ILDR2: variants seen among roughly 807,000 people sequenced by gnomAD.
ILDR2 encodes the protein immunoglobulin-like domain-containing receptor 2.
A neutral mutation model predicts 66.8 loss-of-function variants in ILDR2; 25 were observed. That is an observed-to-expected ratio of 0.37 (90% CI 0.27 to 0.52). ILDR2 has a LOEUF of 0.52. ILDR2 is among the 20% of genes least tolerant of loss of function. The probability of loss-of-function intolerance (pLI) is 0.88; values close to 1 mark genes in which losing one functional copy is unlikely to be tolerated. For missense variants in ILDR2, 827 were observed against 876.8 expected (o/e 0.94, Z 0.72); for synonymous variants, 367 against 357.2 (o/e 1.03, Z -0.31).
Position 166,930,298 on chromosome 1 carries a change from A to T in ILDR2, c.881-3118T>A, listed in dbSNP as rs1005856026. ...TAACCATTTATAGCCTCAAATGAAG[A>T]TGATAGTTTTGCCTTCAGTGCTGGC... On this transcript the variant is annotated intron_variant, in intron 6 of 9. Transcript: ENST00000271417. Among the ~76,000 whole-genome samples the T allele has an allele frequency of 5.3e-5, 8 of 152,324 alleles. No individual in the cohort carries two copies. In the East Asian group the frequency reaches 1.3e-3, roughly 26 times the overall value.
At chr1:166,975,119 A>T in intron 1 of ILDR2, 104 bp downstream of exon 1, 1 of 978,094 alleles carries the variant, frequency 1.0e-6, no homozygotes. Flanking sequence ...GCAGCTTTAA[A>T]CATGGTCAGT....
Position 166,909,793 on chromosome 1 carries a change from A to G in ILDR2, c.*9562T>C, listed in dbSNP as rs1339408488. ...TAAATATATATATTTATATATATAT[A>G]TATATATATATATCCTTCTAGCTTT... On this transcript the variant is annotated 3_prime_UTR_variant, in exon 10 of 10. Transcript: ENST00000271417. The G allele has an allele frequency of 2.0e-4, 25 of 125,610 alleles. No homozygotes were observed. The highest frequency in any genetic ancestry group is 4.1e-3 in the Middle Eastern group (1 of 246). 7.8% of individuals were successfully genotyped at this position (125,610 alleles called of 1,614,324 possible).
At chr1:166,903,603 A>G (rs1290955321), downstream of ILDR2, among the ~76,000 whole-genome samples, 1 of 152,214 alleles carries the variant, frequency 6.6e-6, no homozygotes, top group Non-Finnish European at 1.5e-5. Context: ...GACAAAAAAG[A>G]GAAGAGATTT....
chr1:166,946,741 T>C lies in ILDR2; in HGVS notation c.500-7171A>G, dbSNP rs6667674. ...CCCAATTCCAGTTTTTTTCCCAATA[T>C]CTCACCACCCCAAAACTTTGCTTAT... On this transcript the variant is annotated intron_variant, in intron 3 of 9. Coordinates refer to ENST00000271417, the MANE Select transcript of ILDR2 (RefSeq NM_199351.3). Among the ~76,000 whole-genome samples the C allele has an allele frequency of 3.3e-3, 497 of 152,296 alleles. 3 individuals are homozygous for C. Among genetic ancestry groups the C allele is most frequent in the African/African-American group, 0.011 (457 of 41,548 alleles).
intron 3 of ILDR2, among the ~76,000 whole-genome samples, chr1:166,941,313 T>C (rs1661300577): frequency 6.6e-6 from 1 of 152,176 alleles, no homozygotes; most frequent in Non-Finnish European, 1.5e-5. Context: ...AGGAGTCAAG[T>C]GGGACATTGG....
At chr1:166,933,553 A>T in intron 6 of ILDR2, 1 of 983,572 alleles carries the variant, frequency 1.0e-6, no homozygotes, top group Non-Finnish European at 1.2e-6. Context: ...TGGCAGAATG[A>T]GACCAAAATG....
Position 166,911,534 on chromosome 1 carries a change from G to A in ILDR2, c.*7821C>T, listed in dbSNP as rs1202039000. On this transcript the variant is annotated 3_prime_UTR_variant, in exon 10 of 10. Transcript: ENST00000271417. Reference sequence around the variant, plus strand: ...CCCATAAAGAAACAAAAAACTGTGAGTGAAAGTTAGCAGAAGTAACAAACT... The same window carrying A: ...CCCATAAAGAAACAAAAAACTGTGAATGAAAGTTAGCAGAAGTAACAAACT... 3 of 152,010 alleles carry A rather than the reference G, an allele frequency of 2.0e-5. No individual in the cohort carries two copies. Among genetic ancestry groups the A allele is most frequent in the Non-Finnish European group, 4.4e-5 (3 of 67,998 alleles). 9.4% of individuals were successfully genotyped at this position (152,010 alleles called of 1,614,324 possible).
chr1:166,975,379 G>T lies in ILDR2; in HGVS notation c.-111C>A. ...GGCGGCGGCGGAGCGGCGGGCACCGGGCGTCCCTGGGCGCAGCGCCCGCCG... is the reference window on the plus strand; with the variant it reads ...GGCGGCGGCGGAGCGGCGGGCACCGTGCGTCCCTGGGCGCAGCGCCCGCCG... On this transcript the variant is annotated 5_prime_UTR_variant, in exon 1 of 10. Coordinates refer to ENST00000271417, the MANE Select transcript of ILDR2 (RefSeq NM_199351.3). 1.7e-6 allele frequency: 1 copy of T among 590,086 alleles called. No individual in the cohort carries two copies. The allele number at this position is 590,086 out of a possible 1,614,324, so 36.6% of individuals were successfully genotyped here.
In ILDR2 at chr1:166,957,977, C is replaced by T; in HGVS notation, c.171G>A (p.Lys57=). Residue 57 remains lysine, a synonymous_variant, in exon 2 of 10, where the codon AAG becomes AAA. Transcript: ENST00000271417. ...SSHQPAVVQW[K]FKSYCQDRMG... ...TGCGATCCTGGCAGTAGGACTTGAA[C>T]TTCCACTGCACAACTGCAGGCTGAT... 1 of 1,614,174 alleles carries T rather than the reference C, an allele frequency of 6.2e-7. No homozygotes were observed. Among genetic ancestry groups the T allele is most frequent in the African/African-American group, 1.3e-5 (1 of 75,046 alleles).
chr1:166,971,469 TTTTTG>T (rs1571220187), intron 1 of ILDR2, among the ~76,000 whole-genome samples: 1 of 152,070 alleles, frequency 6.6e-6, no homozygotes, highest in East Asian at 1.9e-4. Context: ...TGGTTTTTGG[TTTTTG>T]TTTTGAGACA....
chr1:166,961,619 ATGGAGT>A (rs1662624674), intron 1 of ILDR2, among the ~76,000 whole-genome samples: 1 of 152,146 alleles, frequency 6.6e-6, no homozygotes, highest in African/African-American at 2.4e-5. Flanking sequence ...TAACTACCTT[ATGGAGT>A]TGTTTGAGGG....
chr1:166,972,851 C>T (rs1006098517), intron 1 of ILDR2, among the ~76,000 whole-genome samples: 1 of 152,066 alleles, frequency 6.6e-6, no homozygotes, highest in Non-Finnish European at 1.5e-5. Context: ...TTCCTTTCTA[C>T]CACCCCCTCA....
At position 166,921,178 on chromosome 1, in the gene ILDR2, G is replaced by A. The variant is rs757878899; in HGVS notation, c.1413C>T (p.Asp471=). ...GACCGTAGTACTCCTCCAAGGAGTC[G>A]TCCTGGTAGAAGCCGCTGTGCGCCC... ...ESRAHSGFYQ[D]DSLEEYYGQR... is the part of the protein sequence containing the mutation. The change falls in exon 9 of 10, where the codon GAC becomes GAT. Residue 471 remains aspartate, a synonymous_variant. Coordinates refer to ENST00000271417, the MANE Select transcript of ILDR2 (RefSeq NM_199351.3). This position sits in a 1 kb window ranked among gnomAD's most constrained non-coding sequence, Gnocchi z 5.3. 5.6e-5 allele frequency: 87 copies of A among 1,562,874 alleles called. No individual in the cohort carries two copies. The highest frequency in any genetic ancestry group is 7.0e-5 in the Non-Finnish European group (81 of 1,161,564).
chr1:166,949,297 G>A (rs1661830788), intron 3 of ILDR2, among the ~76,000 whole-genome samples: 1 of 152,238 alleles, frequency 6.6e-6, no homozygotes, highest in Non-Finnish European at 1.5e-5. Context: ...GCCCCTTCTT[G>A]AGAATCAATG....
rs768491348 is a variant in ILDR2, at chr1:166,936,927, C to T, written c.557-190G>A. Among the ~76,000 whole-genome samples, 20 of 151,956 alleles carry T rather than the reference C, an allele frequency of 1.3e-4. No homozygotes were observed. Among genetic ancestry groups the T allele is most frequent in the African/African-American group, 4.6e-4 (19 of 41,310 alleles). Reference sequence around the variant, plus strand: ...AGTCAGGAGTGCAGACCCTCAGTCCCGGGGAATGGAGAAGAGGGAAGAAGG... The same window carrying T: ...AGTCAGGAGTGCAGACCCTCAGTCCTGGGGAATGGAGAAGAGGGAAGAAGG... On this transcript the variant is annotated intron_variant, in intron 4 of 9. Transcript: ENST00000271417. The surrounding 1 kb of genome is among the most constrained non-coding windows in gnomAD (Gnocchi z 5.0).
At chr1:166,904,065 G>A (rs958477305), downstream of ILDR2, among the ~76,000 whole-genome samples, 4 of 152,292 alleles carry the variant, frequency 2.6e-5, no homozygotes, top group Non-Finnish European at 5.9e-5. Flanking sequence ...AGGGTAGGGG[G>A]CCTTATTTGT....
At chr1:166,953,093 A>C (rs1279089923) in intron 3 of ILDR2, among the ~76,000 whole-genome samples, 2 of 152,150 alleles carry the variant, frequency 1.3e-5, no homozygotes, top group Middle Eastern at 3.2e-3. Context: ...CTTTTATGTA[A>C]CAGTGTCTTA....
Position 166,939,562 on chromosome 1 carries a change from C to T in ILDR2, c.508G>A (p.Gly170Arg). The change falls in exon 4 of 10, where the codon GGG becomes AGG. Residue 170 changes from glycine to arginine, a missense_variant. By Grantham distance (125) the Gly-to-Arg change is moderately radical (BLOSUM62 -2). This residue lies in a region of ILDR2 where 437 missense variants were observed against 523.2 expected (regional missense o/e 0.84). Transcript: ENST00000271417. ...CTGGGCAAGAGATCAGCAAGCAGCC[C>T]TGTCCTGCCTAGAAGAAGTGGAAGG... ...SVELLVLGRT[G>R]LLADLLPSFA... The T allele has an allele frequency of 1.9e-6, 3 of 1,613,902 alleles. No homozygotes were observed. The highest frequency in any genetic ancestry group is 2.5e-6 in the Non-Finnish European group (3 of 1,179,750).
rs1663521654 is a variant in ILDR2, at chr1:166,975,148, GC to G, written c.46+74del. 6.3e-6 allele frequency: 8 copies of G among 1,260,456 alleles called. No individual in the cohort carries two copies. In the South Asian group the frequency reaches 9.7e-5, roughly 15 times the overall value. The allele number at this position is 1,260,456 out of a possible 1,614,324, so 78.1% of individuals were successfully genotyped here. ...GGTCAGTAAGGAGGAAAATGGGGGGGCGGGGGGCGCGGTGAGAACAGAACCA... is the reference window on the plus strand; with the variant it reads ...GGTCAGTAAGGAGGAAAATGGGGGGGGGGGGGCGCGGTGAGAACAGAACCA... On this transcript the variant is annotated intron_variant, in intron 1 of 9. Coordinates refer to ENST00000271417, the MANE Select transcript of ILDR2 (RefSeq NM_199351.3).
Sources: allele counts gnomAD v4.1 joint callset (sites outside exome capture counted in the v4.1 genomes callset), GRCh38; gene constraint gnomAD v4.1.1; regional missense constraint gnomAD v4.1.1; non-coding constraint Gnocchi (gnomAD v3.1); transcripts MANE v1.5; gene names NCBI Gene and HGNC (gene_info 2026-07-23, HGNC 2026-07-21).